ASH1L: variants seen among roughly 807,000 people sequenced by gnomAD.
The protein encoded by ASH1L is histone-lysine N-methyltransferase ASH1L.
Under a neutral mutation model 269.0 loss-of-function variants are expected in ASH1L, and 23 were observed. The observed-to-expected ratio is 0.09, with a 90% CI of 0.06 to 0.12. The LOEUF is 0.12. Among genes scored for constraint, ASH1L ranks in the 10% least tolerant of loss-of-function variants. The pLI, the probability that ASH1L is intolerant of heterozygous loss-of-function variation, is 1.00. For missense variants in ASH1L, 2,912 were observed against 3,567.8 expected (o/e 0.82, Z 4.68); for synonymous variants, 1,187 against 1,253.5 (o/e 0.95, Z 1.12).
intron 6 of ASH1L, among the ~76,000 whole-genome samples, chr1:155,408,097 A>G (rs1404811281): frequency 6.6e-6 from 1 of 152,220 alleles, no homozygotes; most frequent in Non-Finnish European, 1.5e-5. Context: ...GAAGCAAGCC[A>G]CCAACCATGA....
chr1:155,404,787 T>C (rs1408328932), intron 6 of ASH1L, among the ~76,000 whole-genome samples: 7 of 152,118 alleles, frequency 4.6e-5, no homozygotes, highest in Admixed American at 2.0e-4. Flanking sequence ...CCCAGCACTT[T>C]GGGAGGCTGA....
chr1:155,528,277 C>A (rs1272296128), intron 1 of ASH1L, among the ~76,000 whole-genome samples: 2 of 152,148 alleles, frequency 1.3e-5, no homozygotes, highest in Admixed American at 1.3e-4. Context: ...CTCTACCCAT[C>A]CTTAATTGCT....
chr1:155,535,680 A>C (rs1178899771), intron 1 of ASH1L, among the ~76,000 whole-genome samples: 1 of 151,738 alleles, frequency 6.6e-6, no homozygotes, highest in Non-Finnish European at 1.5e-5. Context: ...AATTAGCGAC[A>C]CAAGATTTTA....
At chr1:155,446,949 T>C (rs997288809) in intron 4 of ASH1L, among the ~76,000 whole-genome samples, 3 of 152,238 alleles carry the variant, frequency 2.0e-5, no homozygotes, top group Non-Finnish European at 2.9e-5. Flanking sequence ...AATACAATTA[T>C]TTCTATATGT....
At chr1:155,452,666 T>C (rs756995616) in intron 4 of ASH1L, among the ~76,000 whole-genome samples, 12 of 152,024 alleles carry the variant, frequency 7.9e-5, no homozygotes, top group Non-Finnish European at 1.5e-4. Flanking sequence ...GCAATTCTCC[T>C]GCCTCAGCCT....
intron 4 of ASH1L, chr1:155,440,700 A>G (rs1037300531): frequency 6.4e-6 from 1 of 156,418 alleles, no homozygotes; most frequent in South Asian, 2.0e-4. Context: ...CTGACTCTCT[A>G]TTCTCTCTTT....
At chr1:155,432,252 T>A (rs1661667100) in intron 5 of ASH1L, among the ~76,000 whole-genome samples, 1 of 152,200 alleles carries the variant, frequency 6.6e-6, no homozygotes, top group South Asian at 2.1e-4. Context: ...CTCCTTTAAA[T>A]AACAGATGAA....
Position 155,349,312 on chromosome 1 carries a change from G to A in ASH1L, c.7554+15C>T. 1 of 1,606,212 alleles carries A rather than the reference G, an allele frequency of 6.2e-7. No individual in the cohort carries two copies. The highest frequency in any genetic ancestry group is 8.5e-7 in the Non-Finnish European group (1 of 1,175,266). ...AACAAACTTGTGAAATCTGTTTGAA[G>A]TCAGTGAAAAATACCTCAGCATTCC... is the stretch of plus-strand genomic sequence containing the variant. On this transcript the variant is annotated intron_variant, in intron 19 of 27. Transcript: ENST00000392403.
In ASH1L at chr1:155,562,364, G is replaced by A. The variant is rs771670003; in HGVS notation, c.-311C>T. 8.5e-6 allele frequency: 13 copies of A among 1,522,922 alleles called. No individual in the cohort carries two copies. The highest frequency in any genetic ancestry group is 2.7e-5 in the African/African-American group (2 of 72,774). 94.3% of individuals were successfully genotyped at this position (1,522,922 alleles called of 1,614,324 possible). A position where few individuals can be genotyped will look rare whatever the true frequency, so the allele number is the denominator to read the frequency against. ...AAGGGGGCAAACTGAGGGGAGGCGGGTCCCGCAACCGAGACTGGGATCGTC... is the reference window on the plus strand; with the variant it reads ...AAGGGGGCAAACTGAGGGGAGGCGGATCCCGCAACCGAGACTGGGATCGTC... On this transcript the variant is annotated 5_prime_UTR_variant, in exon 1 of 28. Transcript: ENST00000392403.
chr1:155,537,467 G>A (rs1253046789), intron 1 of ASH1L, among the ~76,000 whole-genome samples: 4 of 152,056 alleles, frequency 2.6e-5, no homozygotes, highest in Non-Finnish European at 5.9e-5. Flanking sequence ...TTATAGATGG[G>A]CAAACAGGCT....
chr1:155,342,172 T>C (rs1652875759), intron 24 of ASH1L, 70 bp from the exon 25 acceptor site: 8 of 1,461,690 alleles, frequency 5.5e-6, no homozygotes, highest in Non-Finnish European at 9.5e-7. Context: ...AAAGACCCCA[T>C]ACACACCAAT....
chr1:155,512,258 C>T (rs1026494266), intron 2 of ASH1L, among the ~76,000 whole-genome samples: 5 of 151,696 alleles, frequency 3.3e-5, no homozygotes, highest in Non-Finnish European at 5.9e-5. Flanking sequence ...GCAAAAGATC[C>T]GCCAGGCGCA....
At position 155,347,824 on chromosome 1, in the gene ASH1L, T is replaced by C. The variant is rs200108022; in HGVS notation, c.7635A>G (p.Ala2545=). The C allele has an allele frequency of 2.4e-5, 39 of 1,614,260 alleles. No individual in the cohort carries two copies. Among genetic ancestry groups the C allele is most frequent in the South Asian group, 6.6e-5 (6 of 91,090 alleles). The change falls in exon 20 of 28, where the codon GCA becomes GCG. Residue 2545 remains alanine, a synonymous_variant. Coordinates refer to ENST00000392403, the MANE Select transcript of ASH1L (RefSeq NM_018489.3). ...CCACAATCTCATCAATCTGGGCTGATGCCTCATGCCGGGCATTGTAATAGG... is the reference window on the plus strand; with the variant it reads ...CCACAATCTCATCAATCTGGGCTGACGCCTCATGCCGGGCATTGTAATAGG... ...RKAYYNARHE[A]SAQIDEIVGE...
At chr1:155,392,785 C>T (rs147109043) in intron 7 of ASH1L, among the ~76,000 whole-genome samples, 44 of 151,856 alleles carry the variant, frequency 2.9e-4, no homozygotes, top group Admixed American at 4.6e-4. Flanking sequence ...TTGTTATTCC[C>T]GGGAGGGTTA....
At chr1:155,351,632 C>T (rs1392952552) in intron 17 of ASH1L, among the ~76,000 whole-genome samples, 5 of 151,932 alleles carry the variant, frequency 3.3e-5, no homozygotes, top group Non-Finnish European at 7.4e-5. Context: ...AGGTGGATCA[C>T]GAGGTCAGGA....
chr1:155,543,916 G>A (rs1314519931), intron 1 of ASH1L, among the ~76,000 whole-genome samples: 6 of 152,094 alleles, frequency 3.9e-5, no homozygotes, highest in Non-Finnish European at 5.9e-5. Context: ...CTCCAGCCTA[G>A]GCGAAAGAAC....
intron 4 of ASH1L, among the ~76,000 whole-genome samples, chr1:155,456,530 C>T (rs1663876170): frequency 6.6e-6 from 1 of 152,040 alleles, no homozygotes; most frequent in East Asian, 1.9e-4. Context: ...TTTTCTTCCA[C>T]TTCCCTCCAA....
chr1:155,534,931 C>T (rs1355687251), intron 1 of ASH1L, among the ~76,000 whole-genome samples: 1 of 152,126 alleles, frequency 6.6e-6, no homozygotes, highest in Non-Finnish European at 1.5e-5. Flanking sequence ...GGCTCATGCC[C>T]ATAACCTCAG....
At chr1:155,396,816 G>C (rs969819417) in intron 6 of ASH1L, 6 of 150,994 alleles carry the variant, frequency 4.0e-5, no homozygotes, top group African/African-American at 9.7e-5. Context: ...ACAAAAATTA[G>C]CTGAGCATAG....
Sources: gnomAD v4.1 joint callset for allele counts (sites outside exome capture counted in the v4.1 genomes callset) on GRCh38, gnomAD v4.1.1 for gene constraint, MANE v1.5 for transcripts, NCBI Gene and HGNC (gene_info 2026-07-23, HGNC 2026-07-21) for gene names.